The following RAD51B variants were observed in gnomAD, a reference collection of about 807,000 sequenced individuals.
RAD51B encodes the protein DNA repair protein RAD51 homolog 2.
A neutral mutation model predicts 42.2 loss-of-function variants in RAD51B; 38 were observed. The ratio of observed to expected loss-of-function variants is 0.90; its 90% CI spans 0.70 to 1.18. RAD51B has a LOEUF of 1.18. Ranked by LOEUF, RAD51B falls within the 50% of genes most tolerant of loss-of-function variation. RAD51B has a pLI of 0.00. For synonymous variants in RAD51B, 154 were observed against 145.2 expected (o/e 1.06, Z -0.43); for missense variants, 373 against 400.7 (o/e 0.93, Z 0.59).
chr14:68,673,752 C>CAT (rs201548240), intron 11 of RAD51B, among the ~76,000 whole-genome samples: 1 of 151,542 alleles, frequency 6.6e-6, no homozygotes, highest in South Asian at 2.1e-4. Flanking sequence ...ACTGTACACA[C>CAT]ATATATATAC....
intron 7 of RAD51B, among the ~76,000 whole-genome samples, chr14:68,216,471 T>C (rs987018742): frequency 6.6e-6 from 1 of 152,206 alleles, no homozygotes; most frequent in Non-Finnish European, 1.5e-5. Context: ...GTGATAACTT[T>C]CCTAAAGTGA....
intron 7 of RAD51B, among the ~76,000 whole-genome samples, chr14:67,990,822 CA>C (rs1278961749): frequency 1.3e-5 from 2 of 152,078 alleles, no homozygotes; most frequent in African/African-American, 4.8e-5. Context: ...GCGTGAAAAG[CA>C]AAACTGGAAA....
intron 7 of RAD51B, among the ~76,000 whole-genome samples, chr14:67,912,914 C>T (rs921137096): frequency 6.6e-6 from 1 of 152,102 alleles, no homozygotes; most frequent in Admixed American, 6.5e-5. Context: ...CCATATTGGC[C>T]AGGCTGGTCT....
chr14:68,048,206 T>C (rs532957273), intron 7 of RAD51B, among the ~76,000 whole-genome samples: 1 of 152,350 alleles, frequency 6.6e-6, no homozygotes, highest in South Asian at 2.1e-4. Flanking sequence ...GATGAGCATT[T>C]TTTCATGTGT....
At chr14:68,423,038 G>A (rs1594813866) in intron 9 of RAD51B, among the ~76,000 whole-genome samples, 1 of 152,172 alleles carries the variant, frequency 6.6e-6, no homozygotes, top group East Asian at 1.9e-4. Flanking sequence ...GACAAAGACT[G>A]TGTGTGCTTG....
intron 10 of RAD51B, among the ~76,000 whole-genome samples, chr14:68,560,695 C>G (rs1164165599): frequency 6.6e-6 from 1 of 152,128 alleles, no homozygotes; most frequent in Admixed American, 6.5e-5. Flanking sequence ...GAGATTGCGC[C>G]ACTGCACTCC....
chr14:68,405,307 T>C (rs369884023), intron 8 of RAD51B, among the ~76,000 whole-genome samples: 5 of 152,120 alleles, frequency 3.3e-5, no homozygotes, highest in African/African-American at 1.2e-4. Context: ...AGCCAATCAT[T>C]GTGGCATGTG....
At chr14:68,229,780 T>C (rs1337615658) in intron 7 of RAD51B, among the ~76,000 whole-genome samples, 2 of 152,208 alleles carry the variant, frequency 1.3e-5, no homozygotes, top group Non-Finnish European at 2.9e-5. Flanking sequence ...GGCAAGATCC[T>C]GGCTCTAGTT....
chr14:68,560,180 G>A (rs983488903), intron 10 of RAD51B, among the ~76,000 whole-genome samples: 1 of 152,120 alleles, frequency 6.6e-6, no homozygotes, highest in African/African-American at 2.4e-5. Context: ...CCATCAAATG[G>A]GCTGAGAAAC....
intron 7 of RAD51B, among the ~76,000 whole-genome samples, chr14:68,102,621 T>C (rs2077310297): frequency 6.6e-6 from 1 of 152,194 alleles, no homozygotes; most frequent in South Asian, 2.1e-4. Flanking sequence ...AGTTTCAAAC[T>C]TTCCCACATC....
At chr14:68,111,010 A>G (rs1018489143) in intron 7 of RAD51B, among the ~76,000 whole-genome samples, 2 of 152,078 alleles carry the variant, frequency 1.3e-5, no homozygotes, top group African/African-American at 4.8e-5. Flanking sequence ...GGTCTGGACC[A>G]AATTTATTTA....
chr14:68,124,180 C>T (rs1813683375), intron 7 of RAD51B, among the ~76,000 whole-genome samples: 1 of 152,064 alleles, frequency 6.6e-6, no homozygotes, highest in African/African-American at 2.4e-5. Flanking sequence ...TGGAAATGAC[C>T]TTAAATAGAA....
intron 10 of RAD51B, among the ~76,000 whole-genome samples, chr14:68,514,530 C>T (rs1885990488): frequency 1.3e-5 from 2 of 152,312 alleles, no homozygotes; most frequent in South Asian, 2.1e-4. Flanking sequence ...GCTTCCCTGG[C>T]TAAAAGTTCC....
chr14:68,315,132 T>C (rs1207518359), intron 8 of RAD51B, among the ~76,000 whole-genome samples: 1 of 152,206 alleles, frequency 6.6e-6, no homozygotes, highest in Non-Finnish European at 1.5e-5. Context: ...CACTGATCTT[T>C]TATGTATCTA....
chr14:68,423,288 T>C (rs1441343961), intron 9 of RAD51B, among the ~76,000 whole-genome samples: 1 of 152,174 alleles, frequency 6.6e-6, no homozygotes, highest in Non-Finnish European at 1.5e-5. Flanking sequence ...AGGCACCTGG[T>C]ATGTCTGGGA....
chr14:68,314,614 G>T (rs1657667172), intron 8 of RAD51B, among the ~76,000 whole-genome samples: 1 of 152,080 alleles, frequency 6.6e-6, no homozygotes, highest in Admixed American at 6.5e-5. Context: ...CAAAACCATG[G>T]TGCCACTTCA....
At chr14:67,859,972 C>T (rs1451912929) in intron 4 of RAD51B, among the ~76,000 whole-genome samples, 3 of 152,088 alleles carry the variant, frequency 2.0e-5, no homozygotes, top group African/African-American at 7.2e-5. Context: ...AGGCATGCAC[C>T]ACCACGCCTG....
intron 9 of RAD51B, among the ~76,000 whole-genome samples, chr14:68,439,349 T>C (rs1566885273): frequency 6.6e-6 from 1 of 152,188 alleles, no homozygotes; most frequent in Non-Finnish European, 1.5e-5. Context: ...GCCCTGGGGA[T>C]GGTGGTAGCT....
chr14:68,228,650 T>C (rs1029653424), intron 7 of RAD51B, among the ~76,000 whole-genome samples: 1 of 152,220 alleles, frequency 6.6e-6, no homozygotes, highest in Non-Finnish European at 1.5e-5. Flanking sequence ...ATGACATGAA[T>C]GAATGAGAAT....
Sources: allele counts gnomAD v4.1 joint callset (sites outside exome capture counted in the v4.1 genomes callset), GRCh38; gene constraint gnomAD v4.1.1; transcripts MANE v1.5; gene names NCBI Gene and HGNC (gene_info 2026-07-23, HGNC 2026-07-21).